DPP8: variants seen among roughly 807,000 people sequenced by gnomAD.
DPP8 encodes the protein dipeptidyl peptidase 8, also known as DPP VIII.
Under a neutral mutation model 107.5 loss-of-function variants are expected in DPP8, and 31 were observed. That is an observed-to-expected ratio of 0.29 (90% CI 0.22 to 0.39). DPP8 has a LOEUF of 0.39. Ranked by LOEUF, DPP8 falls within the 10% of genes least tolerant of loss-of-function variation. DPP8 has a pLI of 1.00. For missense variants in DPP8, 842 were observed against 1,076.1 expected (o/e 0.78, Z 3.04); for synonymous variants, 381 against 356.6 (o/e 1.07, Z -0.77).
At chr15:65,448,488 C>A (rs1451351602) in intron 19 of DPP8, among the ~76,000 whole-genome samples, 1 of 147,838 alleles carries the variant, frequency 6.8e-6, no homozygotes, top group Admixed American at 6.8e-5. Context: ...CTGGCTAACA[C>A]AGTGAAACCC....
intron 3 of DPP8, among the ~76,000 whole-genome samples, chr15:65,505,557 A>G (rs2141042184): frequency 6.6e-6 from 1 of 152,318 alleles, no homozygotes; most frequent in African/African-American, 2.4e-5. Context: ...TCGTTATTTC[A>G]GTTAAAGACA....
chr15:65,471,516 T>G (rs1385407889), intron 12 of DPP8, among the ~76,000 whole-genome samples: 1 of 150,250 alleles, frequency 6.7e-6, no homozygotes, highest in Non-Finnish European at 1.5e-5. Flanking sequence ...CCAGCCTATT[T>G]TTTTTTTTTT....
At chr15:65,516,797 A>T (rs2071491703) in intron 1 of DPP8, 1 of 152,278 alleles carries the variant, frequency 6.6e-6, no homozygotes, top group South Asian at 2.1e-4. Context: ...GTCCACACCT[A>T]GTTGAGAGAT....
At position 65,456,338 on chromosome 15, in the gene DPP8, T is replaced by C; in HGVS notation, c.2005A>G (p.Lys669Glu). 6.2e-7 allele frequency: 1 copy of C among 1,614,090 alleles called. No individual in the cohort carries two copies. The highest frequency in any genetic ancestry group is 2.2e-5 in the East Asian group (1 of 44,878). The change falls in exon 16 of 20, where the codon AAG becomes GAG. Residue 669 changes from lysine (K) to glutamate (E), a missense_variant. Lys to Glu is a moderately conservative substitution (Grantham distance 56, BLOSUM62 1). Transcript: ENST00000300141. ...GCTAGGGTATTCAAGCGGAAATACTTGACTCCTTTAAACCGATTATTCACC... is the reference window on the plus strand; with the variant it reads ...GCTAGGGTATTCAAGCGGAAATACTCGACTCCTTTAAACCGATTATTCACC... ...QLVNNRFKGV[K>E]YFRLNTLASL...
intron 5 of DPP8, among the ~76,000 whole-genome samples, chr15:65,496,219 G>A (rs2068587259): frequency 6.6e-6 from 1 of 152,008 alleles, no homozygotes; most frequent in East Asian, 1.9e-4. Flanking sequence ...TCTTGACCTC[G>A]TGATCTGCCC....
chr15:65,471,987 G>A (rs62015041), intron 12 of DPP8, among the ~76,000 whole-genome samples: 2,653 of 152,204 alleles, frequency 0.017, 44 homozygotes, highest in Middle Eastern at 0.027. Flanking sequence ...AACTATATGT[G>A]TCACACACAT....
intron 15 of DPP8, among the ~76,000 whole-genome samples, chr15:65,463,311 G>A (rs545871021): frequency 6.6e-6 from 1 of 152,314 alleles, no homozygotes; most frequent in South Asian, 2.1e-4. Context: ...GCCTGAGGCG[G>A]GTGGGTCACT....
At chr15:65,495,780 G>A (rs2068526221) in intron 5 of DPP8, among the ~76,000 whole-genome samples, 1 of 151,636 alleles carries the variant, frequency 6.6e-6, no homozygotes, top group Non-Finnish European at 1.5e-5. Context: ...TACTCGGGAG[G>A]CTGAGGCAGG....
intron 12 of DPP8, among the ~76,000 whole-genome samples, chr15:65,473,637 C>A (rs1007362513): frequency 6.6e-6 from 1 of 152,006 alleles, no homozygotes; most frequent in African/African-American, 2.4e-5. Context: ...CCCTGCACTA[C>A]AGCCAGGGTG....
intron 15 of DPP8, among the ~76,000 whole-genome samples, chr15:65,458,097 T>C (rs2064591017): frequency 6.6e-6 from 1 of 152,234 alleles, no homozygotes; most frequent in South Asian, 2.1e-4. Context: ...TTGCTTGATA[T>C]GAACACTTAA....
chr15:65,508,279 C>A (rs927624795), intron 2 of DPP8, among the ~76,000 whole-genome samples: 1 of 152,018 alleles, frequency 6.6e-6, no homozygotes, highest in Middle Eastern at 3.4e-3. Context: ...ATTAATAAGA[C>A]CTTTAGGGTT....
intron 2 of DPP8, among the ~76,000 whole-genome samples, chr15:65,511,554 T>C (rs2070769175): frequency 6.7e-6 from 1 of 149,874 alleles, no homozygotes; most frequent in Non-Finnish European, 1.5e-5. Context: ...TTGGGAGGAC[T>C]GTTTGAGCCT....
chr15:65,460,638 T>C (rs2064835614), intron 15 of DPP8, among the ~76,000 whole-genome samples: 1 of 152,210 alleles, frequency 6.6e-6, no homozygotes, highest in Non-Finnish European at 1.5e-5. Flanking sequence ...GGTTCATCAG[T>C]GTTATACTAT....
intron 17 of DPP8, among the ~76,000 whole-genome samples, chr15:65,453,494 C>T (rs1294260987): frequency 1.3e-5 from 2 of 152,050 alleles, no homozygotes; most frequent in African/African-American, 2.4e-5. Flanking sequence ...GAAGGCTGGG[C>T]GCAGTGGTTC....
intron 3 of DPP8, among the ~76,000 whole-genome samples, chr15:65,504,363 C>CA (rs1180567373): frequency 0.032 from 2,724 of 84,182 alleles, 58 homozygotes; most frequent in African/African-American, 0.089. Context: ...AACTCCATCT[C>CA]AAAAAAAAAA....
chr15:65,459,690 C>CA (rs2064746901), intron 15 of DPP8, among the ~76,000 whole-genome samples: 1 of 152,188 alleles, frequency 6.6e-6, no homozygotes, highest in Non-Finnish European at 1.5e-5. Flanking sequence ...TGCAGTGGCT[C>CA]ACGCCTGTAA....
chr15:65,448,167 T>A (rs893848377), intron 19 of DPP8, among the ~76,000 whole-genome samples: 1 of 151,974 alleles, frequency 6.6e-6, no homozygotes, highest in Non-Finnish European at 1.5e-5. Context: ...GGAGGATTAC[T>A]TGACCCCAGG....
intron 1 of DPP8, among the ~76,000 whole-genome samples, chr15:65,513,765 C>G (rs1311923222): frequency 1.3e-5 from 2 of 152,116 alleles, no homozygotes; most frequent in African/African-American, 4.8e-5. Flanking sequence ...TTTCACAAAT[C>G]CAGAAGTTGC....
At chr15:65,455,771 C>T (rs2064361177) in intron 16 of DPP8, 1 of 1,287,702 alleles carries the variant, frequency 7.8e-7, no homozygotes, top group Non-Finnish European at 1.0e-6. Flanking sequence ...AAAGGAACAT[C>T]GGATTCTCAT....
Sources: gnomAD v4.1 joint callset for allele counts (sites outside exome capture counted in the v4.1 genomes callset) on GRCh38, gnomAD v4.1.1 for gene constraint, MANE v1.5 for transcripts, NCBI Gene and HGNC (gene_info 2026-07-23, HGNC 2026-07-21) for gene names.